MED8: variants seen among roughly 807,000 people sequenced by gnomAD.
MED8 encodes mediator of RNA polymerase II transcription subunit 8.
MED8 carries 22 observed loss-of-function variants against 34.8 expected under a neutral mutation model. The ratio of observed to expected loss-of-function variants is 0.63; its 90% confidence interval spans 0.45 to 0.90. MED8 has a LOEUF of 0.90. Ranked by LOEUF, MED8 falls within the 40% of genes least tolerant of loss-of-function variation. The pLI, the probability that MED8 is intolerant of heterozygous loss-of-function variation, is 0.00. For synonymous variants in MED8, 105 were observed against 120.2 expected (o/e 0.87, Z 0.83); for missense variants, 260 against 326.3 (o/e 0.80, Z 1.57).
rs1189352846 is a variant in MED8 at position 43,386,284 on chromosome 1, C to T, written c.494-58G>A. 5.7e-6 allele frequency: 9 copies of T among 1,571,500 alleles called. No homozygotes were observed. In the African/African-American group the frequency reaches 1.1e-4, roughly 19 times the overall value. ...GCTTCTGATGCAGGACTGAACGTGGCAGCTGGAAGACCAGTATGAGTGCCA... is the reference window on the plus strand; with the variant it reads ...GCTTCTGATGCAGGACTGAACGTGGTAGCTGGAAGACCAGTATGAGTGCCA... On this transcript the variant is annotated intron_variant, in intron 5 of 6. Coordinates refer to ENST00000372457, the MANE Select transcript of MED8 (RefSeq NM_201542.5). The surrounding 1 kb of genome is among the most constrained non-coding windows in gnomAD (Gnocchi z 4.9).
Position 43,389,746 on chromosome 1 carries a change from A to G in MED8, c.6+13T>C, listed in dbSNP as rs1648009394. 1 of 1,607,086 alleles carries G rather than the reference A, an allele frequency of 6.2e-7. No individual in the cohort carries two copies. Among genetic ancestry groups the G allele is most frequent in the Non-Finnish European group, 8.5e-7 (1 of 1,177,148 alleles). On this transcript the variant is annotated intron_variant, in intron 1 of 6. Coordinates refer to ENST00000372457, the MANE Select transcript of MED8 (RefSeq NM_201542.5). ...AGCTTGCCAGCCGCTAGTACGCCCA[A>G]CGCAACTCTCACCTGCATTGCGGCG... is the stretch of plus-strand genomic sequence containing the variant.
chr1:43,389,692 GC>G, intron 1 of MED8, 66 bp downstream of exon 1: 1 of 1,592,764 alleles, frequency 6.3e-7, no homozygotes, highest in Non-Finnish European at 8.5e-7. Context: ...ATTCTCCTTA[GC>G]CAGCCCACTC....
chr1:43,388,604 CCT>C, intron 1 of MED8, 176 bp from the exon 2 acceptor site: 1 of 1,067,830 alleles, frequency 9.4e-7, no homozygotes, highest in Non-Finnish European at 1.3e-6. Context: ...CAGCATCAAC[CCT>C]GAGACCTTCC....
At position 43,388,400 on chromosome 1, in the gene MED8, A is replaced by G. The variant is rs1469968936; in HGVS notation, c.35T>C (p.Leu12Ser). 7 of 1,613,538 alleles carry G rather than the reference A, an allele frequency of 4.3e-6. No homozygotes were observed. Among genetic ancestry groups the G allele is most frequent in the Non-Finnish European group, 5.1e-6 (6 of 1,179,882 alleles). The part of the protein sequence containing the change: ...QREEKQLEAS[L>S]DALLSQVADL... Reference sequence around the variant, plus strand: ...AGCCACTTGACTCAGCAGTGCATCTAATGATGCCTCAAGCTGCTTCTCCTC... The same window carrying G: ...AGCCACTTGACTCAGCAGTGCATCTGATGATGCCTCAAGCTGCTTCTCCTC... Residue 12 changes from leucine to serine, a missense_variant, in exon 2 of 7, where the codon TTA (leucine) becomes TCA (serine). Leu to Ser is a moderately radical substitution (Grantham distance 145). Transcript: ENST00000372457.
intron 1 of MED8, 139 bp downstream of exon 1, chr1:43,389,620 C>T: frequency 7.4e-7 from 1 of 1,353,258 alleles, no homozygotes; most frequent in Non-Finnish European, 1.0e-6. Flanking sequence ...TAGCCTCGCC[C>T]CCCAGCCCAC....
chr1:43,386,454 A>C lies in MED8; in HGVS notation c.493+135T>G. ...CTTCAGTGCTGGCCTTAAATACAAA[A>C]GGCTAACAGAATGGATACAAACCCC... On this transcript the variant is annotated intron_variant, in intron 5 of 6. Coordinates refer to ENST00000372457, the MANE Select transcript of MED8 (RefSeq NM_201542.5). The surrounding 1 kb of genome is among the most constrained non-coding windows in gnomAD (Gnocchi z 4.9). 9.0e-7 allele frequency: 1 copy of C among 1,114,280 alleles called. No homozygotes were observed. The highest frequency in any genetic ancestry group is 1.3e-6 in the Non-Finnish European group (1 of 780,718). 69.0% of individuals were successfully genotyped at this position (1,114,280 alleles called of 1,614,324 possible). A position where few individuals can be genotyped will look rare whatever the true frequency, so the allele number is the denominator to read the frequency against.
intron 2 of MED8, among the ~76,000 whole-genome samples, chr1:43,388,042 G>A (rs561847566): frequency 1.3e-5 from 2 of 152,310 alleles, no homozygotes; most frequent in African/African-American, 4.8e-5. Flanking sequence ...GATCCAGCAC[G>A]AATAGAGCTG....
At chr1:43,387,152 C>T (rs1647762574) in intron 3 of MED8, among the ~76,000 whole-genome samples, 154 bp from the exon 4 acceptor site, 1 of 152,174 alleles carries the variant, frequency 6.6e-6, no homozygotes, top group African/African-American at 2.4e-5. Context: ...CTCTCCTTTA[C>T]TCCATCCTTC....
At position 43,386,059 on chromosome 1, in the gene MED8, G is replaced by A. The variant is rs1353115694; in HGVS notation, c.661C>T (p.Gln221Ter). The A allele has an allele frequency of 1.2e-6, 2 of 1,613,890 alleles. No individual in the cohort carries two copies. The highest frequency in any genetic ancestry group is 1.3e-5 in the African/African-American group (1 of 74,922). ...GTILAGTSGL[Q>*]QVQMAGAPSQ... is the part of the protein sequence containing the mutation. ...GGAGCTCCTGCCATCTGCACCTGCT[G>A]TAATCCTGAGGTTCCTGCAAGGATC... Residue 221 changes from glutamine to a stop codon, truncating the protein, a stop_gained, in exon 6 of 7, where the codon CAG becomes TAG. Coordinates refer to ENST00000372457, the MANE Select transcript of MED8 (RefSeq NM_201542.5). LOFTEE classifies it high-confidence loss of function. This position sits in a 1 kb window ranked among gnomAD's most constrained non-coding sequence, Gnocchi z 4.9.
At chr1:43,388,258 G>A in intron 2 of MED8, 52 bp downstream of exon 2, 3 of 1,558,772 alleles carry the variant, frequency 1.9e-6, no homozygotes, top group Non-Finnish European at 2.6e-6. Flanking sequence ...TCATCAGGAG[G>A]CTAGGCCCCC....
chr1:43,385,099 C>T lies in MED8; in HGVS notation c.750G>A (p.Met250Ile). 1 of 1,554,732 alleles carries T rather than the reference C, an allele frequency of 6.4e-7. No homozygotes were observed. Among genetic ancestry groups the T allele is most frequent in the Non-Finnish European group, 8.7e-7 (1 of 1,148,442 alleles). ...TGATGTTGGTTTTTATTCCACTTGG[C>T]ATTTTCCCTGAAAGGAACATTAAAA... ...QMAQAGQPGK[M>I]PSGIKTNIKS... Residue 250 changes from methionine to isoleucine, a missense_variant, in exon 7 of 7, where the codon ATG becomes ATA. Met to Ile is a conservative substitution (Grantham distance 10, BLOSUM62 1). Coordinates refer to ENST00000372457, the MANE Select transcript of MED8 (RefSeq NM_201542.5).
In MED8 at chr1:43,388,428, T is replaced by C. The variant is rs1331319913; in HGVS notation, c.7A>G (p.Arg3Gly). The part of the protein sequence containing the change: MQ[R>G]EEKQLEASLD... ...GATGCCTCAAGCTGCTTCTCCTCTCTCTGCACCAATAGGAACAGGTTGGTC... is the reference window on the plus strand; with the variant it reads ...GATGCCTCAAGCTGCTTCTCCTCTCCCTGCACCAATAGGAACAGGTTGGTC... Residue 3 changes from arginine (R) to glycine (G), a missense_variant and splice_region_variant, in exon 2 of 7, where the codon AGA (arginine) becomes GGA (glycine). Physicochemically the swap from Arg to Gly is moderately radical, Grantham distance 125. Coordinates refer to ENST00000372457, the MANE Select transcript of MED8 (RefSeq NM_201542.5). 1 of 1,613,206 alleles carries C rather than the reference T, an allele frequency of 6.2e-7. No individual in the cohort carries two copies. The highest frequency in any genetic ancestry group is 8.5e-7 in the Non-Finnish European group (1 of 1,179,884).
chr1:43,385,758 G>T, intron 6 of MED8: 1 of 614,528 alleles, frequency 1.6e-6, no homozygotes, highest in Non-Finnish European at 2.8e-6. Flanking sequence ...TGAGAAATTG[G>T]AGCAGTTTCT....
At chr1:43,385,620 A>G (rs1466551809) in intron 6 of MED8, 5 of 300,842 alleles carry the variant, frequency 1.7e-5, no homozygotes, top group Non-Finnish European at 3.2e-5. Context: ...TCAATTCCTG[A>G]TGCACCTACC....
chr1:43,388,248 TC>T, intron 2 of MED8, 61 bp downstream of exon 2: 1 of 1,474,316 alleles, frequency 6.8e-7, no homozygotes, highest in South Asian at 1.1e-5. Flanking sequence ...AATGTCCTAT[TC>T]ATCAGGAGGC....
Position 43,384,381 on chromosome 1 carries a change from T to A in MED8, c.*661A>T, listed in dbSNP as rs1243193508. On this transcript the variant is annotated 3_prime_UTR_variant, in exon 7 of 7. Coordinates refer to ENST00000372457, the MANE Select transcript of MED8 (RefSeq NM_201542.5). ...AAGGTGGGGTAAAGGATAGGGGACT[T>A]TATGACTATTTGACAGGTAAAAGCC... 2.0e-6 allele frequency: 3 copies of A among 1,521,318 alleles called. No homozygotes were observed. Among genetic ancestry groups the A allele is most frequent in the Non-Finnish European group, 2.6e-6 (3 of 1,135,248 alleles). 94.2% of individuals were successfully genotyped at this position (1,521,318 alleles called of 1,614,324 possible). A position where few individuals can be genotyped will look rare whatever the true frequency, so the allele number is the denominator to read the frequency against.
Position 43,387,655 on chromosome 1 carries a change from T to C in MED8, c.126-8A>G, listed in dbSNP as rs763614403. ...CTGTCCAGGACAGATGGCCTGGTGG[T>C]GGTAACAAGGTGTAAGAATGTTGTA... is the stretch of plus-strand genomic sequence containing the variant. On this transcript the variant is annotated splice_polypyrimidine_tract_variant and splice_region_variant and intron_variant, in intron 2 of 6. Transcript: ENST00000372457. The C allele has an allele frequency of 1.9e-6, 3 of 1,613,636 alleles. No individual in the cohort carries two copies. Among genetic ancestry groups the C allele is most frequent in the Non-Finnish European group, 2.5e-6 (3 of 1,179,794 alleles).
chr1:43,388,036 CA>C (rs1014157265), intron 2 of MED8, among the ~76,000 whole-genome samples: 13 of 152,166 alleles, frequency 8.5e-5, no homozygotes, highest in African/African-American at 2.9e-4. Context: ...GCAAGAGATC[CA>C]GCACGAATAG....
rs1647706328 is a variant in MED8 at position 43,385,778 on chromosome 1, A to C, written c.742+200T>G. 2.7e-6 allele frequency: 2 copies of C among 730,098 alleles called. 1 individual carries two copies. Among genetic ancestry groups the C allele is most frequent in the Admixed American group, 5.5e-5 (2 of 36,326 alleles). The allele number at this position is 730,098 out of a possible 1,614,324, so 45.2% of individuals were successfully genotyped here. On this transcript the variant is annotated intron_variant, in intron 6 of 6. Transcript: ENST00000372457. The stretch of plus-strand genomic sequence containing the variant: ...AATTGGAGCAGTTTCTGTTACTCAA[A>C]GTTCTTCCTCACTCTCTGGTGCCTG...
Sources: allele counts gnomAD v4.1 joint callset (sites outside exome capture counted in the v4.1 genomes callset), GRCh38; gene constraint gnomAD v4.1.1; non-coding constraint Gnocchi (gnomAD v3.1); transcripts MANE v1.5; gene names NCBI Gene and HGNC (gene_info 2026-07-23, HGNC 2026-07-21).